ST6GALNAC3: variants seen among roughly 807,000 people sequenced by gnomAD.
ST6GALNAC3 encodes ST6 N-acetylgalactosaminide alpha-2,6-sialyltransferase 3, also known as alpha-N-acetylgalactosaminide alpha-2,6-sialyltransferase 3.
Under a neutral mutation model 32.7 loss-of-function variants are expected in ST6GALNAC3, and 25 were observed. The observed-to-expected ratio is 0.76, with a 90% CI of 0.56 to 1.07. The LOEUF is 1.07. ST6GALNAC3 is among the 50% of genes least tolerant of loss of function. The probability of loss-of-function intolerance (pLI) is 0.00; values close to 1 mark genes in which losing one functional copy is unlikely to be tolerated. For missense variants in ST6GALNAC3, 355 were observed against 382.4 expected, an observed-to-expected ratio of 0.93 and a Z score of 0.60; for synonymous variants, 129 against 133.1, an observed-to-expected ratio of 0.97 and a Z score of 0.21.
chr1:76,450,936 G>A (rs540523246), intron 3 of ST6GALNAC3, among the ~76,000 whole-genome samples: 1 of 152,218 alleles, frequency 6.6e-6, no homozygotes, highest in East Asian at 1.9e-4. Flanking sequence ...GTAACATGCT[G>A]TTTTGGTGAC....
chr1:76,162,816 C>T (rs1028177575), intron 1 of ST6GALNAC3, among the ~76,000 whole-genome samples: 1 of 152,110 alleles, frequency 6.6e-6, no homozygotes, highest in Non-Finnish European at 1.5e-5. Context: ...CTAGGGGTCA[C>T]ATAAAACTTC....
chr1:76,157,732 G>A (rs555592826), intron 1 of ST6GALNAC3, among the ~76,000 whole-genome samples: 1 of 152,156 alleles, frequency 6.6e-6, no homozygotes, highest in African/African-American at 2.4e-5. Context: ...ATAATATTAT[G>A]TACCCACCAT....
At chr1:76,342,133 A>C (rs1648093203) in intron 2 of ST6GALNAC3, among the ~76,000 whole-genome samples, 1 of 152,026 alleles carries the variant, frequency 6.6e-6, no homozygotes, top group Non-Finnish European at 1.5e-5. Flanking sequence ...GGTTGGTTCC[A>C]GGTCTTTGCT....
intron 3 of ST6GALNAC3, among the ~76,000 whole-genome samples, chr1:76,586,779 A>G (rs1015125992): frequency 4.6e-5 from 7 of 152,218 alleles, no homozygotes; most frequent in African/African-American, 1.7e-4. Flanking sequence ...CGTCTTTGTC[A>G]AAGTCAGTGA....
At chr1:76,467,284 A>G (rs892232912) in intron 3 of ST6GALNAC3, among the ~76,000 whole-genome samples, 2 of 151,936 alleles carry the variant, frequency 1.3e-5, no homozygotes, top group African/African-American at 4.8e-5. Context: ...GTGGCCATGA[A>G]CCGTGAAATG....
chr1:76,400,021 T>A (rs533356151), intron 2 of ST6GALNAC3, among the ~76,000 whole-genome samples: 2 of 151,716 alleles, frequency 1.3e-5, no homozygotes, highest in East Asian at 2.1e-4. Flanking sequence ...ATCTTCAAAC[T>A]TTTTTTATTT....
At chr1:76,388,474 T>C (rs1184741085) in intron 2 of ST6GALNAC3, among the ~76,000 whole-genome samples, 3 of 152,206 alleles carry the variant, frequency 2.0e-5, no homozygotes, top group Non-Finnish European at 4.4e-5. Flanking sequence ...TTTTCATTAT[T>C]ACTCTTTTGA....
intron 3 of ST6GALNAC3, among the ~76,000 whole-genome samples, chr1:76,522,349 T>A (rs900466357): frequency 2.0e-5 from 3 of 152,068 alleles, no homozygotes; most frequent in Admixed American, 6.5e-5. Context: ...AATTTGGAAA[T>A]TTTTTTTGCC....
chr1:76,100,560 T>C (rs1647201798), intron 1 of ST6GALNAC3, among the ~76,000 whole-genome samples: 2 of 152,212 alleles, frequency 1.3e-5, no homozygotes, highest in South Asian at 4.1e-4. Context: ...AACATTTTTA[T>C]ATGATGTTAT....
intron 3 of ST6GALNAC3, among the ~76,000 whole-genome samples, chr1:76,594,313 G>T (rs868675496): frequency 5.3e-5 from 8 of 151,964 alleles, no homozygotes; most frequent in Admixed American, 5.2e-4. Flanking sequence ...CTGCAAAATT[G>T]TTCATGAATA....
chr1:76,276,391 G>T (rs1042731426), intron 1 of ST6GALNAC3, among the ~76,000 whole-genome samples: 1 of 151,992 alleles, frequency 6.6e-6, no homozygotes, highest in Non-Finnish European at 1.5e-5. Context: ...AGTGTTGCAT[G>T]ATTTTAGATT....
intron 1 of ST6GALNAC3, among the ~76,000 whole-genome samples, chr1:76,100,925 T>C (rs981881277): frequency 6.6e-6 from 1 of 151,984 alleles, no homozygotes; most frequent in African/African-American, 2.4e-5. Flanking sequence ...ATAACCCATA[T>C]AACCCTTGCC....
intron 2 of ST6GALNAC3, among the ~76,000 whole-genome samples, chr1:76,375,680 T>C (rs1225093679): frequency 3.9e-5 from 6 of 152,208 alleles, no homozygotes; most frequent in Admixed American, 3.9e-4. Flanking sequence ...CACAGGCTCA[T>C]CCTGGAGCAT....
chr1:76,124,785 G>T (rs1649134602), intron 1 of ST6GALNAC3, among the ~76,000 whole-genome samples: 1 of 152,116 alleles, frequency 6.6e-6, no homozygotes, highest in African/African-American at 2.4e-5. Context: ...AAACTTGGGG[G>T]TAAAATATTT....
At chr1:76,115,430 C>T (rs960969724) in intron 1 of ST6GALNAC3, among the ~76,000 whole-genome samples, 1 of 152,150 alleles carries the variant, frequency 6.6e-6, no homozygotes, top group Non-Finnish European at 1.5e-5. Context: ...TATTCCAAAG[C>T]CATACTTAGT....
intron 3 of ST6GALNAC3, among the ~76,000 whole-genome samples, chr1:76,582,085 A>G (rs1319277893): frequency 6.6e-6 from 1 of 152,212 alleles, no homozygotes; most frequent in Non-Finnish European, 1.5e-5. Flanking sequence ...TAATACATAT[A>G]TAAACCAGTT....
At chr1:76,464,237 AAAG>A (rs1252270437) in intron 3 of ST6GALNAC3, among the ~76,000 whole-genome samples, 2 of 152,182 alleles carry the variant, frequency 1.3e-5, no homozygotes, top group African/African-American at 4.8e-5. Context: ...CATGATTTCA[AAAG>A]ACTTACGTAT....
chr1:76,247,402 C>T (rs1328589728), intron 1 of ST6GALNAC3, among the ~76,000 whole-genome samples: 1 of 152,194 alleles, frequency 6.6e-6, no homozygotes, highest in Non-Finnish European at 1.5e-5. Context: ...ATTAAGTCCA[C>T]AGAAACTGCG....
intron 2 of ST6GALNAC3, among the ~76,000 whole-genome samples, chr1:76,344,834 G>A (rs1424952455): frequency 6.6e-6 from 1 of 152,138 alleles, no homozygotes; most frequent in Non-Finnish European, 1.5e-5. Flanking sequence ...ACTCAGTGAG[G>A]TGGGAGCTGT....
Sources: gnomAD v4.1 joint callset for allele counts (sites outside exome capture counted in the v4.1 genomes callset) on GRCh38, gnomAD v4.1.1 for gene constraint, MANE v1.5 for transcripts, NCBI Gene and HGNC (gene_info 2026-07-23, HGNC 2026-07-21) for gene names.